WWOX: variants seen among roughly 807,000 people sequenced by gnomAD.
The protein encoded by WWOX is WW domain containing oxidoreductase.
WWOX carries 69 observed loss-of-function variants against 46.2 expected under a neutral mutation model. That is an observed-to-expected ratio of 1.49 (90% CI 1.23 to 1.82). The LOEUF (loss-of-function observed/expected upper bound fraction) is 1.82, where lower values mean the gene tolerates loss of function less well. Among genes scored for constraint, WWOX ranks in the 40% most tolerant of loss-of-function variants. The pLI, the probability that WWOX is intolerant of heterozygous loss-of-function variation, is 0.00. For synonymous variants in WWOX, 359 were observed against 202.6 expected, an observed-to-expected ratio of 1.77 and a Z score of -6.56; for missense variants, 919 against 542.6, an observed-to-expected ratio of 1.69 and a Z score of -6.89.
At chr16:78,277,133 C>T (rs963744980) in intron 5 of WWOX, among the ~76,000 whole-genome samples, 1 of 152,094 alleles carries the variant, frequency 6.6e-6, no homozygotes, top group Admixed American at 6.5e-5. Flanking sequence ...GTTGCTTTTC[C>T]TTGATTCAGT....
At chr16:78,537,845 AC>A (rs1035149691) in intron 8 of WWOX, among the ~76,000 whole-genome samples, 2 of 152,044 alleles carry the variant, frequency 1.3e-5, no homozygotes, top group African/African-American at 4.8e-5. Flanking sequence ...TGTTGGTGCC[AC>A]CCGGCAGTGG....
chr16:78,819,363 G>C (rs1033722214), intron 8 of WWOX, among the ~76,000 whole-genome samples: 1 of 152,170 alleles, frequency 6.6e-6, no homozygotes, highest in African/African-American at 2.4e-5. Flanking sequence ...ACCTTTCCAT[G>C]AGCTGTGTCC....
At chr16:78,364,044 T>TC (rs2081475089) in intron 5 of WWOX, among the ~76,000 whole-genome samples, 1 of 152,110 alleles carries the variant, frequency 6.6e-6, no homozygotes, top group African/African-American at 2.4e-5. Flanking sequence ...CCGTGCCACA[T>TC]CCCCCCACTC....
rs1163967827 is a variant in WWOX at position 78,108,420 on chromosome 16, C to T, written c.108-3C>T. ...TTACTGTGGATTTTTTGTTTTTTAA[C>T]AGTCACACCGAGGAGAAGACTCAGT... On this transcript the variant is annotated splice_region_variant and splice_polypyrimidine_tract_variant and intron_variant, in intron 1 of 8. Transcript: ENST00000566780. The T allele has an allele frequency of 3.7e-6, 6 of 1,607,906 alleles. No homozygotes were observed. The African/African-American group carries it at 5.4e-5, about 15-fold the overall frequency.
intron 8 of WWOX, among the ~76,000 whole-genome samples, chr16:78,445,919 CA>C (rs549256158): frequency 1.2e-3 from 178 of 152,114 alleles, no homozygotes; most frequent in African/African-American, 4.2e-3. Flanking sequence ...AGAAGAGAAA[CA>C]GCTTTACTTA....
chr16:78,757,261 G>C (rs968021775), intron 8 of WWOX, among the ~76,000 whole-genome samples: 2 of 152,204 alleles, frequency 1.3e-5, no homozygotes, highest in East Asian at 1.9e-4. Flanking sequence ...CATTCAAAGA[G>C]TCTAAACCAT....
chr16:78,604,729 CCCCCCTCCCT>C (rs1478347957), intron 8 of WWOX, among the ~76,000 whole-genome samples: 1 of 3,892 alleles, frequency 2.6e-4, no homozygotes, highest in Admixed American at 3.5e-3. Flanking sequence ...CTCCCTCCTT[CCCCCCTCCCT>C]CCTTCCCCCC....
chr16:78,187,473 T>G (rs11643897), intron 5 of WWOX, among the ~76,000 whole-genome samples: 2 of 151,970 alleles, frequency 1.3e-5, no homozygotes, highest in Non-Finnish European at 2.9e-5. Flanking sequence ...CGTGGTGGTG[T>G]GCACCCGTAG....
At chr16:78,942,386 CT>C (rs1424456993) in intron 8 of WWOX, among the ~76,000 whole-genome samples, 1 of 152,106 alleles carries the variant, frequency 6.6e-6, no homozygotes, top group African/African-American at 2.4e-5. Flanking sequence ...TTGATACTCT[CT>C]TTTGCACTCT....
chr16:78,302,154 T>G (rs1180327561), intron 5 of WWOX, among the ~76,000 whole-genome samples: 4 of 151,924 alleles, frequency 2.6e-5, no homozygotes, highest in Admixed American at 2.6e-4. Context: ...AGAGAAGGGG[T>G]ATCGCCATGT....
chr16:78,885,168 C>T lies in WWOX; in HGVS notation c.1057-326440C>T, dbSNP rs187450375. On this transcript the variant is annotated intron_variant, in intron 8 of 8. Coordinates refer to ENST00000566780, the MANE Select transcript of WWOX (RefSeq NM_016373.4). ...CCTTCTACGAGCTCCCTCATGGTTG[C>T]GGGGGACTACCAATCACTCTCTACT... Among the ~76,000 whole-genome samples, 1,164 of 146,514 alleles carry T rather than the reference C, an allele frequency of 7.9e-3. 7 individuals carry two copies. The highest frequency in any genetic ancestry group is 0.013 in the Non-Finnish European group (863 of 67,264).
chr16:78,736,381 T>C (rs2049092261), intron 8 of WWOX, among the ~76,000 whole-genome samples: 1 of 152,080 alleles, frequency 6.6e-6, no homozygotes, highest in Non-Finnish European at 1.5e-5. Flanking sequence ...TCACAAAAGC[T>C]AGGAAATGGC....
intron 8 of WWOX, among the ~76,000 whole-genome samples, chr16:78,995,375 C>A (rs549080337): frequency 6.6e-6 from 1 of 152,130 alleles, no homozygotes; most frequent in South Asian, 2.1e-4. Flanking sequence ...GGACTGCGTT[C>A]TTTGGGGTAG....
At chr16:78,170,860 T>C (rs2035134031) in intron 5 of WWOX, among the ~76,000 whole-genome samples, 1 of 151,740 alleles carries the variant, frequency 6.6e-6, no homozygotes, top group African/African-American at 2.4e-5. Flanking sequence ...AAAAGATTTA[T>C]TAGCCAGAGG....
At chr16:79,003,241 T>A (rs1168414360) in intron 8 of WWOX, among the ~76,000 whole-genome samples, 1 of 152,224 alleles carries the variant, frequency 6.6e-6, no homozygotes, top group South Asian at 2.1e-4. Context: ...TATGATTTAA[T>A]GCAGCATAGT....
rs150258563 is a variant in WWOX, at chr16:78,903,884, T to C, written c.1057-307724T>C. On this transcript the variant is annotated intron_variant, in intron 8 of 8. Transcript: ENST00000566780. ...ACTCTGTGGCAGGGGACTGTTGTTA[T>C]TCCTCCTTTACAGAGGTGGGTCTGA... Among the ~76,000 whole-genome samples the C allele has an allele frequency of 1.9e-3, 290 of 152,324 alleles. 2 individuals carry two copies. Among genetic ancestry groups the C allele is most frequent in the Non-Finnish European group, 3.5e-3 (235 of 68,030 alleles).
chr16:78,679,755 C>G (rs1353612790), intron 8 of WWOX, among the ~76,000 whole-genome samples: 1 of 152,150 alleles, frequency 6.6e-6, no homozygotes, highest in Non-Finnish European at 1.5e-5. Context: ...AGAATAATGT[C>G]CAAACATCTT....
chr16:78,278,618 C>T (rs951012631), intron 5 of WWOX: 35 of 1,610,610 alleles, frequency 2.2e-5, no homozygotes, highest in Non-Finnish European at 2.5e-5. Context: ...AAAATACCAC[C>T]CTCCGCCAGA....
intron 8 of WWOX, among the ~76,000 whole-genome samples, chr16:79,194,689 C>G (rs985799837): frequency 6.6e-6 from 1 of 152,196 alleles, no homozygotes; most frequent in East Asian, 1.9e-4. Flanking sequence ...AGCCCCCGCT[C>G]TGCTGAGTCA....
Sources: allele counts gnomAD v4.1 joint callset (sites outside exome capture counted in the v4.1 genomes callset), GRCh38; gene constraint gnomAD v4.1.1; transcripts MANE v1.5; gene names NCBI Gene and HGNC (gene_info 2026-07-23, HGNC 2026-07-21).